The following PPP2R2D variants were observed in gnomAD, a reference collection of about 807,000 sequenced individuals.
PPP2R2D encodes the protein protein phosphatase 2 regulatory subunit Bdelta, also known as serine/threonine-protein phosphatase 2A 55 kDa regulatory subunit B delta isoform.
In PPP2R2D, 9 loss-of-function variants were observed where a neutral mutation model predicts 31.1. That is an observed-to-expected ratio of 0.29 (90% CI 0.17 to 0.51). The LOEUF (loss-of-function observed/expected upper bound fraction) is 0.51, where lower values mean the gene tolerates loss of function less well. PPP2R2D is among the 20% of genes least tolerant of loss of function. The pLI is 0.98. For missense variants in PPP2R2D, 391 were observed against 465.6 expected, an observed-to-expected ratio of 0.84 and a Z score of 1.48; for synonymous variants, 179 against 172.6, an observed-to-expected ratio of 1.04 and a Z score of -0.29.
intron 2 of PPP2R2D, among the ~76,000 whole-genome samples, chr10:131,918,211 A>ACG (rs2035863020): frequency 8.4e-6 from 1 of 118,738 alleles, no homozygotes; most frequent in African/African-American, 3.3e-5. Flanking sequence ...GACCTCAGGC[A>ACG]GGTGGAATGA....
At chr10:131,933,610 G>C (rs1386291104) in intron 2 of PPP2R2D, among the ~76,000 whole-genome samples, 1 of 152,170 alleles carries the variant, frequency 6.6e-6, no homozygotes, top group Non-Finnish European at 1.5e-5. Flanking sequence ...CGACACAGCA[G>C]CACTGCGGAG....
chr10:131,926,968 A>G (rs1364145766), intron 2 of PPP2R2D, among the ~76,000 whole-genome samples: 1 of 152,240 alleles, frequency 6.6e-6, no homozygotes, highest in African/African-American at 2.4e-5. Context: ...CAGCGAGTTC[A>G]TGAAGGACTG....
At chr10:131,901,424 C>T in intron 2 of PPP2R2D, 94 bp downstream of exon 2, 1 of 335,858 alleles carries the variant, frequency 3.0e-6, no homozygotes, top group Non-Finnish European at 5.4e-6. Flanking sequence ...CCGTGGAAGG[C>T]AGGCAGGAGG....
chr10:131,967,484 T>C, the PPP2R2D span: 1 of 152,196 alleles, frequency 6.6e-6, no homozygotes. Flanking sequence ...GCTTCCAAGG[T>C]AGCATCAACA....
At chr10:131,914,811 G>A (rs1299954311) in intron 2 of PPP2R2D, among the ~76,000 whole-genome samples, 2 of 152,114 alleles carry the variant, frequency 1.3e-5, no homozygotes, top group African/African-American at 4.8e-5. Context: ...GGGTGGTCAC[G>A]CCTCACTGAA....
chr10:131,971,352 G>C, the PPP2R2D span: 1 of 248,042 alleles, frequency 4.0e-6, no homozygotes, highest in South Asian at 5.4e-5. Context: ...AATGAAAACA[G>C]CCGAAAACGG....
At chr10:131,970,830 A>C in the PPP2R2D span, 2 of 1,614,204 alleles carry the variant, frequency 1.2e-6, no homozygotes, top group Admixed American at 1.7e-5. The surrounding 1 kb of genome is among the most constrained non-coding windows in gnomAD (Gnocchi z 4.1). Flanking sequence ...TCCTCTGTCA[A>C]GGGGTGCCCC....
intron 2 of PPP2R2D, among the ~76,000 whole-genome samples, chr10:131,916,565 C>T (rs1554893101): frequency 6.6e-6 from 1 of 152,112 alleles, no homozygotes; most frequent in Non-Finnish European, 1.5e-5. Context: ...CCCTGGCGAC[C>T]ACCATTCTAC....
intron 8 of PPP2R2D, among the ~76,000 whole-genome samples, chr10:131,953,598 A>G (rs1308264696): frequency 5.8e-5 from 6 of 102,832 alleles, no homozygotes; most frequent in South Asian, 3.6e-4. Context: ...ACTTGCGGGT[A>G]TGCGGGGGTT....
Position 131,955,801 on chromosome 10 carries a change from C to A in PPP2R2D, c.1200C>A (p.Pro400=), listed in dbSNP as rs1554899827. ...GCAAACCGCGCGCCAGCCTCAAACC[C>A]CGGAAGGTGTGTACGGGGGGTAAGC... ...ESSKPRASLK[P]RKVCTGGKRR... is the part of the protein sequence containing the mutation. Residue 400 remains proline, a synonymous_variant, in exon 9 of 9, where the codon CCC becomes CCA. Coordinates refer to ENST00000455566, the MANE Select transcript of PPP2R2D (RefSeq NM_018461.5). 1.2e-6 allele frequency: 2 copies of A among 1,603,934 alleles called. No homozygotes were observed. Among genetic ancestry groups the A allele is most frequent in the Admixed American group, 3.4e-5 (2 of 59,304 alleles).
chr10:131,937,180 T>C (rs1363220034), intron 3 of PPP2R2D, among the ~76,000 whole-genome samples: 2 of 152,188 alleles, frequency 1.3e-5, no homozygotes, highest in African/African-American at 4.8e-5. Flanking sequence ...GTCAGGTCCA[T>C]AGAGGCCCGT....
chr10:131,935,895 C>G (rs1192837931), intron 3 of PPP2R2D, among the ~76,000 whole-genome samples: 1 of 152,052 alleles, frequency 6.6e-6, no homozygotes, highest in Non-Finnish European at 1.5e-5. Context: ...GAAACCCTGT[C>G]TCTACGAAAA....
rs546302785 is a variant in PPP2R2D at position 131,947,407 on chromosome 10, C to G, written c.821-123C>G. ...CTAGAGAATCAGAAAGATCAGAAGA[C>G]CTAGTGTTGAGGCCAAGCCCTTCCA... is the stretch of plus-strand genomic sequence containing the variant. On this transcript the variant is annotated intron_variant, in intron 7 of 8. Coordinates refer to ENST00000455566, the MANE Select transcript of PPP2R2D (RefSeq NM_018461.5). The surrounding 1 kb of genome is among the most constrained non-coding windows in gnomAD (Gnocchi z 4.3). 1.0e-6 allele frequency: 1 copy of G among 962,320 alleles called. No individual in the cohort carries two copies. The highest frequency in any genetic ancestry group is 2.6e-5 in the East Asian group (1 of 38,356). The allele number at this position is 962,320 out of a possible 1,614,324, so 59.6% of individuals were successfully genotyped here. A position where few individuals can be genotyped will look rare whatever the true frequency, so the allele number is the denominator to read the frequency against.
intron 2 of PPP2R2D, among the ~76,000 whole-genome samples, chr10:131,916,902 CACA>C (rs1375494802): frequency 1.4e-5 from 2 of 147,764 alleles, no homozygotes; most frequent in Non-Finnish European, 3.0e-5. Flanking sequence ...GGTGGAATGA[CACA>C]ACGTTTGTAG....
At position 131,913,300 on chromosome 10, in the gene PPP2R2D, G is replaced by A. The variant is rs962468534; in HGVS notation, c.100+11970G>A. The stretch of plus-strand genomic sequence containing the variant: ...CCCACCTCGGCCTCCCAAAGTGCTG[G>A]GATTACAGTTGTGAGCCACCGCACC... On this transcript the variant is annotated intron_variant, in intron 2 of 8. Transcript: ENST00000455566. Among the ~76,000 whole-genome samples the A allele has an allele frequency of 2.3e-3, 352 of 151,810 alleles. 2 individuals are homozygous for A. The highest frequency in any genetic ancestry group is 7.6e-3 in the African/African-American group (315 of 41,380).
chr10:131,908,387 CCTCAGCGTTCAGT>C (rs2035631395), intron 2 of PPP2R2D, among the ~76,000 whole-genome samples: 1 of 152,206 alleles, frequency 6.6e-6, no homozygotes, highest in African/African-American at 2.4e-5. Context: ...CTCCAGCTCC[CCTCAGCGTTCAGT>C]GTCGTCTTAG....
chr10:131,910,831 T>C (rs902061965), intron 2 of PPP2R2D, among the ~76,000 whole-genome samples: 5 of 151,982 alleles, frequency 3.3e-5, no homozygotes, highest in Non-Finnish European at 4.4e-5. Context: ...CGGGGAGTGG[T>C]GAGGGGTGGG....
chr10:131,962,051 ACTCTG>A (rs1341165656), downstream of PPP2R2D, among the ~76,000 whole-genome samples: 12 of 152,024 alleles, frequency 7.9e-5, no homozygotes, highest in African/African-American at 2.7e-4. Context: ...GGTGCCCGGG[ACTCTG>A]CTTCTGAGGC....
At chr10:131,955,537 C>G (rs2036776719) in intron 8 of PPP2R2D, 147 bp from the exon 9 acceptor site, 1 of 555,358 alleles carries the variant, frequency 1.8e-6, no homozygotes, top group Middle Eastern at 5.2e-4. Context: ...TCTCTTCTGC[C>G]CATTGTGATT....
Sources: gnomAD v4.1 joint callset for allele counts (sites outside exome capture counted in the v4.1 genomes callset) on GRCh38, gnomAD v4.1.1 for gene constraint, Gnocchi (gnomAD v3.1) non-coding constraint, MANE v1.5 for transcripts, NCBI Gene and HGNC (gene_info 2026-07-23, HGNC 2026-07-21) for gene names.